Variants in MLIP observed in about 807,000 individuals in gnomAD.
MLIP encodes the protein muscular LMNA-interacting protein.
A neutral mutation model predicts 84.8 loss-of-function variants in MLIP; 79 were observed. The observed-to-expected ratio is 0.93, with a 90% CI of 0.78 to 1.12. The LOEUF (loss-of-function observed/expected upper bound fraction) is 1.12, where lower values mean the gene tolerates loss of function less well. MLIP is among the 50% of genes most tolerant of loss of function. The pLI, the probability that MLIP is intolerant of heterozygous loss-of-function variation, is 0.00. For synonymous variants in MLIP, 504 were observed against 463.0 expected, an observed-to-expected ratio of 1.09 and a Z score of -1.14; for missense variants, 1,257 against 1,160.6, an observed-to-expected ratio of 1.08 and a Z score of -1.21.
chr6:54,257,051 C>T (rs941676362), intron 12 of MLIP, among the ~76,000 whole-genome samples: 7 of 152,128 alleles, frequency 4.6e-5, no homozygotes, highest in Admixed American at 1.3e-4. Context: ...ATGCTATATG[C>T]TAAGCACTGT....
At chr6:54,256,763 A>T (rs1417891035) in intron 12 of MLIP, among the ~76,000 whole-genome samples, 2 of 152,158 alleles carry the variant, frequency 1.3e-5, no homozygotes, top group Non-Finnish European at 2.9e-5. Context: ...TAATAACATC[A>T]CCTGGTGAGA....
chr6:54,241,711 T>C (rs539518656), intron 12 of MLIP, among the ~76,000 whole-genome samples: 130 of 152,354 alleles, frequency 8.5e-4, no homozygotes, highest in Middle Eastern at 3.4e-3. Context: ...ACATTTTACC[T>C]TTATGATATG....
At chr6:54,157,533 C>T (rs1421172856) in intron 5 of MLIP, among the ~76,000 whole-genome samples, 1 of 152,078 alleles carries the variant, frequency 6.6e-6, no homozygotes, top group Non-Finnish European at 1.5e-5. Context: ...CCTGGTTGTT[C>T]CTTATTGTGA....
chr6:54,146,667 A>G lies in MLIP; in HGVS notation c.2218-2389A>G, dbSNP rs1027881371. On this transcript the variant is annotated intron_variant, in intron 4 of 13. Transcript: ENST00000502396. ...AACAGAACAGAGATTCATGTGTCAG[A>G]TGAGGGAGTTGAACCAAATGACCTT... Among the ~76,000 whole-genome samples, 6 of 152,236 alleles carry G rather than the reference A, an allele frequency of 3.9e-5. 1 individual carries two copies. The highest frequency in any genetic ancestry group is 3.9e-4 in the Admixed American group (6 of 15,278).
At chr6:54,070,522 G>A (rs1369240863) in intron 1 of MLIP, among the ~76,000 whole-genome samples, 2 of 152,164 alleles carry the variant, frequency 1.3e-5, no homozygotes, top group Admixed American at 6.5e-5. Context: ...GGCAAGGCAT[G>A]TCAAATTTAT....
chr6:54,166,612 C>A (rs1575221), intron 8 of MLIP, among the ~76,000 whole-genome samples: 1 of 151,858 alleles, frequency 6.6e-6, no homozygotes, highest in African/African-American at 2.4e-5. Flanking sequence ...GTCTCCTTTG[C>A]TGGTTCATCT....
intron 3 of MLIP, among the ~76,000 whole-genome samples, chr6:54,126,864 ACC>A (rs1770962236): frequency 6.6e-6 from 1 of 152,162 alleles, no homozygotes; most frequent in African/African-American, 2.4e-5. Context: ...TCTGTAAATT[ACC>A]TCTATTGGTT....
At chr6:54,152,048 T>C (rs886366685) in intron 5 of MLIP, among the ~76,000 whole-genome samples, 16 of 152,266 alleles carry the variant, frequency 1.1e-4, no homozygotes, top group African/African-American at 3.9e-4. Flanking sequence ...CTATCATTTT[T>C]CCCCTGTGAA....
chr6:54,054,226 G>GT (rs1246875455), intron 1 of MLIP, among the ~76,000 whole-genome samples: 1 of 152,132 alleles, frequency 6.6e-6, no homozygotes, highest in Non-Finnish European at 1.5e-5. Flanking sequence ...GAGTCATGCA[G>GT]TAAGTTTAGT....
chr6:54,195,279 T>A (rs1429307868), intron 10 of MLIP, among the ~76,000 whole-genome samples: 1 of 152,116 alleles, frequency 6.6e-6, no homozygotes, highest in Non-Finnish European at 1.5e-5. Context: ...GCAGTTTTGT[T>A]ACACATCTTA....
rs549893260 is a variant in MLIP, at chr6:54,151,975, G to T, written c.2289+2848G>T. On this transcript the variant is annotated intron_variant, in intron 5 of 13. Coordinates refer to ENST00000502396, the MANE Select transcript of MLIP (RefSeq NM_001281747.2). ...TGTTGGCAGGGAACATGAGGTTTCTGGTACTTCTGTTCTGTAATTTATTGT... is the reference window on the plus strand; with the variant it reads ...TGTTGGCAGGGAACATGAGGTTTCTTGTACTTCTGTTCTGTAATTTATTGT... Among the ~76,000 whole-genome samples, 3 of 152,012 alleles carry T rather than the reference G, an allele frequency of 2.0e-5. No homozygotes were observed. The South Asian group carries it at 6.2e-4, about 32-fold the overall frequency.
In MLIP at chr6:54,121,445, A is replaced by G. The variant is rs946982804; in HGVS notation, c.97-2A>G. On this transcript the variant is annotated splice_acceptor_variant, in intron 1 of 13. Coordinates refer to ENST00000502396, the MANE Select transcript of MLIP (RefSeq NM_001281747.2). LOFTEE classifies it high-confidence loss of function. ...AAGTCTAATTAACTACATGTCTCAT[A>G]GGTCTCTGCTGGTGGTTCTGAAGCC... The G allele has an allele frequency of 6.2e-7, 1 of 1,613,842 alleles. No individual in the cohort carries two copies. Among genetic ancestry groups the G allele is most frequent in the Non-Finnish European group, 8.5e-7 (1 of 1,179,928 alleles).
intron 12 of MLIP, among the ~76,000 whole-genome samples, chr6:54,231,771 A>T (rs1562087018): frequency 6.6e-6 from 1 of 152,300 alleles, no homozygotes; most frequent in East Asian, 1.9e-4. Context: ...AGTTAAATAC[A>T]TCTCTATACT....
rs551321379 is a variant in MLIP at position 54,125,210 on chromosome 6, A to G, written c.645+345A>G. On this transcript the variant is annotated intron_variant, in intron 3 of 13. Transcript: ENST00000502396. The stretch of plus-strand genomic sequence containing the variant: ...TTAGTCAAGAAGAGTGTGCTTGGTG[A>G]GCTGGGTCCATCAAGAAGCATATTT... 1.5e-3 allele frequency among the ~76,000 whole-genome samples: 235 copies of G among 152,292 alleles called. 1 individual carries two copies. The highest frequency in any genetic ancestry group is 5.3e-3 in the African/African-American group (220 of 41,562).
At chr6:54,093,324 G>A (rs907961693) in intron 1 of MLIP, among the ~76,000 whole-genome samples, 2 of 91,504 alleles carry the variant, frequency 2.2e-5, no homozygotes, top group Admixed American at 2.1e-4. Flanking sequence ...ATATATTTTC[G>A]ATTAAATTCT....
intron 11 of MLIP, among the ~76,000 whole-genome samples, chr6:54,228,044 G>A (rs1780703296): frequency 1.3e-5 from 2 of 151,852 alleles, no homozygotes; most frequent in South Asian, 2.1e-4. Flanking sequence ...TTAGCCGGGC[G>A]TGGTGGTGGG....
At chr6:54,125,270 T>C (rs984565509) in intron 3 of MLIP, among the ~76,000 whole-genome samples, 3 of 152,152 alleles carry the variant, frequency 2.0e-5, no homozygotes, top group Non-Finnish European at 4.4e-5. Context: ...AAGACGGTAA[T>C]TGGACATTAG....
Position 54,063,054 on chromosome 6 carries a change from A to T in MLIP, c.63+43963A>T, listed in dbSNP as rs536204601. On this transcript the variant is annotated intron_variant, in intron 1 of 12. Transcript: ENST00000274897. ...CCGTCTCTACTAAAAATACAAAAAA[A>T]AATTATCCGGTCGTGGTGGCGTACG... 4.9e-4 allele frequency among the ~76,000 whole-genome samples: 74 copies of T among 152,180 alleles called. No homozygotes were observed. The South Asian group carries it at 0.014, about 30-fold the overall frequency.
At chr6:54,081,859 G>A (rs999839174) in intron 1 of MLIP, among the ~76,000 whole-genome samples, 9 of 152,022 alleles carry the variant, frequency 5.9e-5, no homozygotes, top group Non-Finnish European at 8.8e-5. Context: ...TCTTTTACCT[G>A]TGCTTCTGTC....
Sources: gnomAD v4.1 joint callset for allele counts (sites outside exome capture counted in the v4.1 genomes callset) on GRCh38, gnomAD v4.1.1 for gene constraint, MANE v1.5 for transcripts, NCBI Gene and HGNC (gene_info 2026-07-23, HGNC 2026-07-21) for gene names.